MAT2A: variants seen among roughly 807,000 people sequenced by gnomAD.
MAT2A encodes S-adenosylmethionine synthase isoform type-2.
MAT2A carries 3 observed loss-of-function variants against 43.9 expected under a neutral mutation model. The ratio of observed to expected loss-of-function variants is 0.07; its 90% CI spans 0.03 to 0.18. The LOEUF is 0.18. Ranked by LOEUF, MAT2A falls within the 10% of genes least tolerant of loss-of-function variation. The pLI is 1.00. For synonymous variants in MAT2A, 200 were observed against 168.4 expected (o/e 1.19, Z -1.45); for missense variants, 204 against 489.0 (o/e 0.42, Z 5.50).
Position 85,541,335 on chromosome 2 carries a change from C to T in MAT2A, c.250C>T (p.Arg84Cys). 1 of 1,613,912 alleles carries T rather than the reference C, an allele frequency of 6.2e-7. No individual in the cohort carries two copies. The highest frequency in any genetic ancestry group is 8.5e-7 in the Non-Finnish European group (1 of 1,179,966). The change falls in exon 3 of 9, where the codon CGT becomes TGT. Residue 84 changes from arginine (R) to cysteine (C), a missense_variant. Arg to Cys is a radical substitution (Grantham distance 180). Coordinates refer to ENST00000306434, the MANE Select transcript of MAT2A (RefSeq NM_005911.6). ...TGCTGTTGACTACCAGAAAGTGGTT[C>T]GTGAAGCTGTTAAACACATTGGATA... ...RAAVDYQKVV[R>C]EAVKHIGYDD...
At position 85,542,359 on chromosome 2, in the gene MAT2A, A is replaced by T; in HGVS notation, c.754A>T (p.Ile252Phe). 1 of 1,614,024 alleles carries T rather than the reference A, an allele frequency of 6.2e-7. No individual in the cohort carries two copies. ...CCTACAGCCAAGTGGCAGATTTGTT[A>T]TTGGTGGGCCTCAGGTAATGTCATT... ...YHLQPSGRFV[I>F]GGPQGDAGLT... is the part of the protein sequence containing the mutation. Residue 252 changes from isoleucine (I) to phenylalanine (F), a missense_variant, in exon 6 of 9, where the codon ATT (isoleucine) becomes TTT (phenylalanine). By Grantham distance (21) the Ile-to-Phe change is conservative (BLOSUM62 0). Around this residue, in one of 6 missense-constraint regions of MAT2A, gnomAD observed 103 missense variants for 226.4 expected, o/e 0.45. Transcript: ENST00000306434.
Position 85,542,377 on chromosome 2 carries a change from A to C in MAT2A, c.768+4A>C. 2 of 1,611,798 alleles carry C rather than the reference A, an allele frequency of 1.2e-6. No individual in the cohort carries two copies. ...ATTTGTTATTGGTGGGCCTCAGGTA[A>C]TGTCATTTTGTTGCATTTTTCTGGA... On this transcript the variant is annotated splice_donor_region_variant and intron_variant, in intron 6 of 8. Transcript: ENST00000306434.
intron 1 of MAT2A, 126 bp from the exon 2 acceptor site, chr2:85,540,957 T>C (rs1691462282): frequency 1.1e-5 from 7 of 645,758 alleles, no homozygotes; most frequent in South Asian, 1.0e-4. Flanking sequence ...TGAATTAAGA[T>C]GTATTAAGCA....
intron 3 of MAT2A, 74 bp downstream of exon 3, chr2:85,541,451 C>T: frequency 6.5e-7 from 1 of 1,542,084 alleles, no homozygotes; most frequent in Admixed American, 1.9e-5. Flanking sequence ...TAGAATGTTC[C>T]TGCTAATCCT....
At position 85,543,080 on chromosome 2, in the gene MAT2A, G is replaced by GGT. The variant is rs549695405; in HGVS notation, c.1085+55_1085+56dup. The stretch of plus-strand genomic sequence containing the variant: ...TGCTAGTCAAGTATTGAGGGTGTTG[G>GGT]GTGTGTGTGTATATACTTAAGGCTG... On this transcript the variant is annotated intron_variant, in intron 8 of 8. Coordinates refer to ENST00000306434, the MANE Select transcript of MAT2A (RefSeq NM_005911.6). The GGT allele has an allele frequency of 3.3e-3, 5,219 of 1,598,604 alleles. 15 individuals are homozygous for GGT. The highest frequency in any genetic ancestry group is 0.011 in the Middle Eastern group (49 of 4,402).
chr2:85,541,478 T>G, intron 3 of MAT2A, 101 bp downstream of exon 3: 1 of 1,434,570 alleles, frequency 7.0e-7, no homozygotes. Context: ...CAGTTGTATC[T>G]TACTATACAC....
intron 1 of MAT2A, chr2:85,539,708 C>T (rs1048571299): frequency 2.1e-5 from 4 of 186,556 alleles, no homozygotes; most frequent in African/African-American, 2.4e-5. Flanking sequence ...CACTGTTAAC[C>T]CCTCCCGGCC....
At position 85,539,342 on chromosome 2, in the gene MAT2A, C is replaced by T. The variant is rs1691389356; in HGVS notation, c.55C>T (p.Leu19Phe). Residue 19 changes from leucine (L) to phenylalanine (F), a missense_variant, in exon 1 of 9, where the codon CTT (leucine) becomes TTT (phenylalanine). Coordinates refer to ENST00000306434, the MANE Select transcript of MAT2A (RefSeq NM_005911.6). ...HEAFIEEGTF[L>F]FTSESVGEGH... ...GGCGTTCATCGAGGAGGGCACATTC[C>T]TTTTCACCTCAGAGTCGGTCGGGGA... is the stretch of plus-strand genomic sequence containing the variant. 1.9e-6 allele frequency: 3 copies of T among 1,606,522 alleles called. No individual in the cohort carries two copies. Among genetic ancestry groups the T allele is most frequent in the South Asian group, 1.1e-5 (1 of 90,152 alleles).
intron 1 of MAT2A, 27 bp from the exon 2 acceptor site, chr2:85,541,056 A>T: frequency 6.4e-7 from 1 of 1,561,328 alleles, no homozygotes; most frequent in Non-Finnish European, 8.8e-7. Flanking sequence ...AGTTAAAGAA[A>T]CTGAGCCAGG....
rs986534978 is a variant in MAT2A, at chr2:85,539,193, A to C, written c.-95A>C. 4 of 870,832 alleles carry C rather than the reference A, an allele frequency of 4.6e-6. No individual in the cohort carries two copies. The highest frequency in any genetic ancestry group is 3.5e-5 in the African/African-American group (2 of 57,306). The allele number at this position is 870,832 out of a possible 1,614,324, so 53.9% of individuals were successfully genotyped here. On this transcript the variant is annotated 5_prime_UTR_variant, in exon 1 of 9. Transcript: ENST00000306434. Reference sequence around the variant, plus strand: ...GTTCGCTCCGCGCCGCCCGCCTGCTACGAGTAGAACGCTGTCCGCAGCTTG... The same window carrying C: ...GTTCGCTCCGCGCCGCCCGCCTGCTCCGAGTAGAACGCTGTCCGCAGCTTG...
intron 3 of MAT2A, 59 bp downstream of exon 3, chr2:85,541,436 A>G: frequency 2.5e-6 from 4 of 1,580,562 alleles, no homozygotes; most frequent in South Asian, 1.1e-5. Flanking sequence ...GTTTGAAGAA[A>G]CTCCTAGAAT....
In MAT2A at chr2:85,542,430, T is replaced by G; in HGVS notation, c.768+57T>G. The G allele has an allele frequency of 7.0e-6, 11 of 1,575,410 alleles. No homozygotes were observed. The South Asian group carries it at 1.2e-4, about 18-fold the overall frequency. On this transcript the variant is annotated intron_variant, in intron 6 of 8. Coordinates refer to ENST00000306434, the MANE Select transcript of MAT2A (RefSeq NM_005911.6). ...TTTGATGGTTACTTAAAATTTTGGC[T>G]ACTACATTTTTTTCAGGCTTTCTGA...
chr2:85,539,558 TCCTCTTCCCCCTCC>T (rs1028929731), intron 1 of MAT2A, 180 bp downstream of exon 1: 9 of 484,418 alleles, frequency 1.9e-5, no homozygotes, highest in Non-Finnish European at 3.3e-5. Flanking sequence ...TGGCCGCCGC[TCCTCTTCCCCCTCC>T]CCTCTCCACC....
chr2:85,539,585 TC>T, intron 1 of MAT2A: 1 of 452,204 alleles, frequency 2.2e-6, no homozygotes, highest in South Asian at 3.4e-5. Flanking sequence ...TCTCCACCCT[TC>T]CCTTCCCCCC....
rs772094517 is a variant in MAT2A at position 85,541,618 on chromosome 2, GT to G, written c.293-9del. The G allele has an allele frequency of 1.3e-6, 2 of 1,575,456 alleles. No individual in the cohort carries two copies. The highest frequency in any genetic ancestry group is 1.4e-5 in the African/African-American group (1 of 73,226). On this transcript the variant is annotated splice_polypyrimidine_tract_variant and intron_variant, in intron 3 of 8. Transcript: ENST00000306434. ...TTCTAGGACGTAAACAAGATGTTGT[GT>G]TTTTTGCTTATAGGTTTTGACTACA...
chr2:85,539,524 G>GTGGCGCCGCCAGGGCC (rs1691400596), intron 1 of MAT2A, 146 bp downstream of exon 1: 1 of 544,050 alleles, frequency 1.8e-6, no homozygotes, highest in Non-Finnish European at 3.1e-6. Context: ...CGCTTTCCTC[G>GTGGCGCCGCCAGGGCC]TGGCGCCGCC....
chr2:85,540,612 C>T (rs2028900), intron 1 of MAT2A, among the ~76,000 whole-genome samples: 75,611 of 152,082 alleles, frequency 0.5, 19,953 homozygotes, highest in African/African-American at 0.68. Context: ...GTTTGAGCAT[C>T]TTCTACACTG....
intron 7 of MAT2A, 24 bp from the exon 8 acceptor site, chr2:85,542,877 C>G (rs375162226): frequency 6.9e-6 from 11 of 1,605,542 alleles, no homozygotes; most frequent in African/African-American, 2.7e-5. Flanking sequence ...ATCACTGATT[C>G]TTACGACATT....
Position 85,541,634 on chromosome 2 carries a change from T to C in MAT2A, c.294T>C (p.Gly98=). Reference sequence around the variant, plus strand: ...AGATGTTGTGTTTTTTGCTTATAGGTTTTGACTACAAGACTTGTAACGTGC... The same window carrying C: ...AGATGTTGTGTTTTTTGCTTATAGGCTTTGACTACAAGACTTGTAACGTGC... ...KHIGYDDSSK[G]FDYKTCNVLV... Residue 98 remains glycine, a splice_region_variant and synonymous_variant, in exon 4 of 9, where the codon GGT becomes GGC. Coordinates refer to ENST00000306434, the MANE Select transcript of MAT2A (RefSeq NM_005911.6). 6.3e-7 allele frequency: 1 copy of C among 1,597,006 alleles called. No individual in the cohort carries two copies. The highest frequency in any genetic ancestry group is 1.1e-5 in the South Asian group (1 of 87,932).
Sources: gnomAD v4.1 joint callset for allele counts (sites outside exome capture counted in the v4.1 genomes callset) on GRCh38, gnomAD v4.1.1 for gene constraint, gnomAD v4.1.1 regional missense constraint, MANE v1.5 for transcripts, NCBI Gene and HGNC (gene_info 2026-07-23, HGNC 2026-07-21) for gene names.